The following LEKR1 variants were observed in gnomAD, a reference collection of about 807,000 sequenced individuals.
LEKR1 encodes leucine, glutamate and lysine rich 1.
In LEKR1, 59 loss-of-function variants were observed where a neutral mutation model predicts 72.4. That is an observed-to-expected ratio of 0.82 (90% CI 0.66 to 1.01). The LOEUF is 1.01. LEKR1 is among the 50% of genes least tolerant of loss of function. The pLI is 0.00. For missense variants in LEKR1, 728 were observed against 759.2 expected (o/e 0.96, Z 0.48); for synonymous variants, 257 against 263.2 (o/e 0.98, Z 0.23).
At chr3:156,894,923 C>A (rs1486645129) in intron 3 of LEKR1, among the ~76,000 whole-genome samples, 2 of 151,970 alleles carry the variant, frequency 1.3e-5, no homozygotes, top group African/African-American at 4.8e-5. Flanking sequence ...CATGTAAAAC[C>A]CAAAAGAAAC....
Position 156,973,063 on chromosome 3 carries a change from T to C in LEKR1, c.746-6131T>C, listed in dbSNP as rs114139483. On this transcript the variant is annotated intron_variant, in intron 6 of 12. Coordinates refer to ENST00000356539, the MANE Select transcript of LEKR1 (RefSeq NM_001004316.3). The stretch of plus-strand genomic sequence containing the variant: ...ATGCCAAGACACATACCAGATAATA[T>C]CAATGAAAACTGCAGAACTATTTTT... Among the ~76,000 whole-genome samples the C allele has an allele frequency of 3.4e-3, 521 of 152,208 alleles. 2 individuals are homozygous for C. The highest frequency in any genetic ancestry group is 0.012 in the African/African-American group (499 of 41,550).
rs78855554 is a variant in LEKR1 at position 156,861,805 on chromosome 3, C to A, written c.263+8823C>A. Among the ~76,000 whole-genome samples, 373 of 152,120 alleles carry A rather than the reference C, an allele frequency of 2.5e-3. 2 individuals are homozygous for A. Among genetic ancestry groups the A allele is most frequent in the African/African-American group, 8.6e-3 (359 of 41,506 alleles). ...ATGCATTACTTGAACTTTGAGGAACCTAAACAAGCTTATTTATAACATGTA... is the reference window on the plus strand; with the variant it reads ...ATGCATTACTTGAACTTTGAGGAACATAAACAAGCTTATTTATAACATGTA... On this transcript the variant is annotated intron_variant, in intron 3 of 12. Coordinates refer to ENST00000356539, the MANE Select transcript of LEKR1 (RefSeq NM_001004316.3).
At chr3:156,855,517 T>C (rs928163072) in intron 3 of LEKR1, among the ~76,000 whole-genome samples, 2 of 152,196 alleles carry the variant, frequency 1.3e-5, no homozygotes, top group Non-Finnish European at 2.9e-5. Flanking sequence ...AATATTGGCA[T>C]TATACTGTGT....
At chr3:156,834,069 A>G (rs565270829) in intron 2 of LEKR1, among the ~76,000 whole-genome samples, 2 of 152,246 alleles carry the variant, frequency 1.3e-5, no homozygotes, top group South Asian at 2.1e-4. Context: ...AAACAAATCT[A>G]TACAGTCTTA....
At chr3:156,953,975 A>G (rs1240635305) in intron 6 of LEKR1, among the ~76,000 whole-genome samples, 1 of 151,944 alleles carries the variant, frequency 6.6e-6, no homozygotes, top group East Asian at 1.9e-4. Flanking sequence ...ACTAATTTGT[A>G]CTCCCACCAA....
intron 3 of LEKR1, among the ~76,000 whole-genome samples, chr3:156,882,628 T>C (rs941216544): frequency 2.5e-4 from 38 of 152,298 alleles, no homozygotes; most frequent in South Asian, 1.5e-3. Flanking sequence ...GAAATACCAT[T>C]TGACCTAGCC....
intron 3 of LEKR1, among the ~76,000 whole-genome samples, chr3:156,879,109 C>T (rs1718972560): frequency 6.6e-6 from 1 of 152,082 alleles, no homozygotes; most frequent in Non-Finnish European, 1.5e-5. Context: ...AACTTTGGAA[C>T]TGGGTAACAG....
At chr3:157,033,827 T>C (rs1472406213) in intron 12 of LEKR1, among the ~76,000 whole-genome samples, 1 of 152,172 alleles carries the variant, frequency 6.6e-6, no homozygotes, top group Non-Finnish European at 1.5e-5. Flanking sequence ...GAATTAGCCT[T>C]CAAAGGACAG....
chr3:156,843,743 T>C (rs1260708849), intron 2 of LEKR1, among the ~76,000 whole-genome samples: 2 of 152,120 alleles, frequency 1.3e-5, no homozygotes, highest in Non-Finnish European at 1.5e-5. Flanking sequence ...TAGGTTCAGA[T>C]TTTTTGTTGA....
At chr3:156,969,785 A>G (rs931753825) in intron 6 of LEKR1, among the ~76,000 whole-genome samples, 3 of 152,222 alleles carry the variant, frequency 2.0e-5, no homozygotes, top group Admixed American at 2.0e-4. Flanking sequence ...GGCCAGCATC[A>G]TCCTGATACC....
chr3:156,852,958 T>C lies in LEKR1; in HGVS notation c.239T>C (p.Ile80Thr), dbSNP rs1560026032. Residue 80 changes from isoleucine to threonine, a missense_variant, in exon 3 of 13, where the codon ATT becomes ACT. Ile to Thr is a moderately conservative substitution (Grantham distance 89). Transcript: ENST00000356539. ...AGCCAAGAACTTGAACAGTACAAAA[T>C]TGACAACAAATCCAAAACAGAAAGG... Reference protein sequence around the residue: ...SLSQELEQYKIDNKSKTERIY... With the variant: ...SLSQELEQYKTDNKSKTERIY... 2.0e-6 allele frequency: 3 copies of C among 1,535,282 alleles called. No individual in the cohort carries two copies. The highest frequency in any genetic ancestry group is 3.9e-5 in the Admixed American group (2 of 50,914).
At chr3:156,874,054 G>A (rs186216796) in intron 3 of LEKR1, among the ~76,000 whole-genome samples, 10 of 152,136 alleles carry the variant, frequency 6.6e-5, no homozygotes, top group South Asian at 4.1e-4. Context: ...GCTAGACTTG[G>A]GAAGTGTTCA....
At chr3:157,014,937 G>A (rs927149432) in intron 10 of LEKR1, among the ~76,000 whole-genome samples, 7 of 152,126 alleles carry the variant, frequency 4.6e-5, no homozygotes, top group African/African-American at 1.7e-4. Flanking sequence ...CCATATTTCT[G>A]CATTTGGCCA....
intron 7 of LEKR1, among the ~76,000 whole-genome samples, 186 bp from the exon 8 acceptor site, chr3:156,992,467 A>G (rs1487096417): frequency 2.0e-5 from 3 of 152,130 alleles, no homozygotes; most frequent in South Asian, 4.1e-4. Context: ...TTTTATTTAC[A>G]TGCAAATCAG....
chr3:156,844,645 A>G (rs1437935130), intron 2 of LEKR1, among the ~76,000 whole-genome samples: 1 of 146,646 alleles, frequency 6.8e-6, no homozygotes, highest in Non-Finnish European at 1.5e-5. Flanking sequence ...GCTTTTTTCA[A>G]TCTGTAATTT....
rs187087050 is a variant in LEKR1, at chr3:156,887,616, C to G, written c.264-32959C>G. Among the ~76,000 whole-genome samples the G allele has an allele frequency of 7.2e-5, 11 of 151,772 alleles. No homozygotes were observed. In the East Asian group the frequency reaches 2.1e-3, roughly 29 times the overall value. On this transcript the variant is annotated intron_variant, in intron 3 of 12. Transcript: ENST00000356539. ...TGATGTACATATTGGTGCAAGTTCC[C>G]TGGTAATTGCTCAGGAGAGAGAGCA...
chr3:156,907,835 A>G (rs1722675867), intron 3 of LEKR1, among the ~76,000 whole-genome samples: 1 of 152,098 alleles, frequency 6.6e-6, no homozygotes. Flanking sequence ...TTTTTTCAAT[A>G]ATATCTTTTT....
At chr3:157,004,867 A>G (rs1292946422) in intron 9 of LEKR1, among the ~76,000 whole-genome samples, 13 of 152,086 alleles carry the variant, frequency 8.5e-5, no homozygotes, top group Admixed American at 8.5e-4. Flanking sequence ...AAAAGGTTTC[A>G]GCTTCCACTT....
chr3:156,908,639 A>G (rs1722776423), intron 3 of LEKR1, among the ~76,000 whole-genome samples: 1 of 152,138 alleles, frequency 6.6e-6, no homozygotes, highest in African/African-American at 2.4e-5. Flanking sequence ...TTCTAGGCTT[A>G]TCTTGAAGTT....
Sources: allele counts gnomAD v4.1 joint callset (sites outside exome capture counted in the v4.1 genomes callset), GRCh38; gene constraint gnomAD v4.1.1; transcripts MANE v1.5; gene names NCBI Gene and HGNC (gene_info 2026-07-23, HGNC 2026-07-21).